UGT8: variants seen among roughly 807,000 people sequenced by gnomAD.
The protein encoded by UGT8 is 2-hydroxyacylsphingosine 1-beta-galactosyltransferase.
In UGT8, 12 loss-of-function variants were observed where a neutral mutation model predicts 40.5. The ratio of observed to expected loss-of-function variants is 0.30; its 90% CI spans 0.19 to 0.48. The LOEUF is 0.48. UGT8 is among the 20% of genes least tolerant of loss of function. UGT8 has a pLI of 0.99. For synonymous variants in UGT8, 224 were observed against 240.4 expected (o/e 0.93, Z 0.63); for missense variants, 513 against 648.7 (o/e 0.79, Z 2.27).
chr4:114,628,678 G>A (rs1370279141), intron 2 of UGT8, among the ~76,000 whole-genome samples: 1 of 150,376 alleles, frequency 6.6e-6, no homozygotes, highest in Non-Finnish European at 1.5e-5. Flanking sequence ...CACATTAGGA[G>A]TATTTATGGC....
intron 2 of UGT8, among the ~76,000 whole-genome samples, chr4:114,640,811 A>G (rs1172184996): frequency 2.0e-5 from 3 of 152,218 alleles, no homozygotes; most frequent in Non-Finnish European, 4.4e-5. Flanking sequence ...TCATGAGAAC[A>G]GCACGGGAAA....
intron 5 of UGT8, among the ~76,000 whole-genome samples, chr4:114,672,158 A>G (rs1735332322): frequency 6.6e-6 from 1 of 152,336 alleles, no homozygotes; most frequent in African/African-American, 2.4e-5. Flanking sequence ...ATTATTAAAA[A>G]GTCAGGAAAC....
At chr4:114,665,809 A>C (rs1201687677) in intron 4 of UGT8, 53 bp downstream of exon 4, 3 of 1,482,896 alleles carry the variant, frequency 2.0e-6, no homozygotes, top group Non-Finnish European at 2.8e-6. Context: ...TAATTACATA[A>C]ATGTGACTTT....
chr4:114,621,146 G>A (rs1359952536), intron 1 of UGT8, among the ~76,000 whole-genome samples: 2 of 152,082 alleles, frequency 1.3e-5, no homozygotes, highest in African/African-American at 4.8e-5. Context: ...ACACATATCT[G>A]TTAACATGAA....
In UGT8 at chr4:114,668,277, C is replaced by T; in HGVS notation, c.1235C>T (p.Ala412Val). ...GTTACTGAAAAAGAGCTCTATGAAG[C>T]ACTAGTGAAGGTTATCAATAATCCC... ...KTVTEKELYE[A>V]LVKVINNPSY... The change falls in exon 5 of 6, where the codon GCA (alanine) becomes GTA (valine). Residue 412 changes from alanine to valine, a missense_variant. Ala to Val is a moderately conservative substitution (Grantham distance 64). Coordinates refer to ENST00000310836, the MANE Select transcript of UGT8 (RefSeq NM_001128174.3). 1 of 1,613,616 alleles carries T rather than the reference C, an allele frequency of 6.2e-7. No individual in the cohort carries two copies. The highest frequency in any genetic ancestry group is 8.5e-7 in the Non-Finnish European group (1 of 1,179,708).
At chr4:114,623,745 A>T in intron 2 of UGT8, 43 bp downstream of exon 2, 3 of 1,539,030 alleles carry the variant, frequency 1.9e-6, no homozygotes, top group Non-Finnish European at 2.6e-6. Context: ...TTTAATGTAA[A>T]AGTCAATTTT....
At chr4:114,640,232 G>A (rs1011297057) in intron 2 of UGT8, among the ~76,000 whole-genome samples, 8 of 151,374 alleles carry the variant, frequency 5.3e-5, no homozygotes, top group African/African-American at 1.2e-4. Flanking sequence ...GGGTTTCACC[G>A]TGTTAGCCAG....
At chr4:114,612,897 T>A (rs1731176360) in intron 1 of UGT8, among the ~76,000 whole-genome samples, 2 of 152,338 alleles carry the variant, frequency 1.3e-5, no homozygotes, top group Middle Eastern at 3.4e-3. Context: ...AAATTCTTTT[T>A]CTTTTCATTT....
chr4:114,676,457 A>T lies in UGT8; in HGVS notation c.*169A>T, dbSNP rs1448529574. 1 of 588,572 alleles carries T rather than the reference A, an allele frequency of 1.7e-6. No individual in the cohort carries two copies. Among genetic ancestry groups the T allele is most frequent in the East Asian group, 2.9e-5 (1 of 34,170 alleles). 36.5% of individuals were successfully genotyped at this position (588,572 alleles called of 1,614,324 possible). A position where few individuals can be genotyped will look rare whatever the true frequency, so the allele number is the denominator to read the frequency against. Reference sequence around the variant, plus strand: ...ATTAAGATGGCTGTAAAAAGCACAAACCTAAAATGCAGAAATGTATTTTAT... The same window carrying T: ...ATTAAGATGGCTGTAAAAAGCACAATCCTAAAATGCAGAAATGTATTTTAT... On this transcript the variant is annotated 3_prime_UTR_variant, in exon 6 of 6. Transcript: ENST00000310836.
At chr4:114,665,189 A>T (rs908826699) in intron 3 of UGT8, among the ~76,000 whole-genome samples, 8 of 152,220 alleles carry the variant, frequency 5.3e-5, no homozygotes, top group African/African-American at 1.9e-4. Flanking sequence ...TTCACCCCAC[A>T]AAACTTTTAT....
intron 1 of UGT8, among the ~76,000 whole-genome samples, chr4:114,610,364 A>G (rs1180213863): frequency 6.6e-6 from 1 of 152,206 alleles, no homozygotes; most frequent in Non-Finnish European, 1.5e-5. Context: ...AAATTTTGAT[A>G]TCATTTTGGT....
intron 2 of UGT8, among the ~76,000 whole-genome samples, chr4:114,631,377 C>G (rs1419146327): frequency 6.6e-6 from 1 of 152,152 alleles, no homozygotes; most frequent in Non-Finnish European, 1.5e-5. Flanking sequence ...GTGCCAGCTA[C>G]TCGGGAGGCT....
At position 114,677,349 on chromosome 4, in the gene UGT8, T is replaced by C. The variant is rs769088264; in HGVS notation, c.*1061T>C. The C allele has an allele frequency of 3.9e-5, 6 of 152,240 alleles. No individual in the cohort carries two copies. Among genetic ancestry groups the C allele is most frequent in the African/African-American group, 7.2e-5 (3 of 41,464 alleles). The allele number at this position is 152,240 out of a possible 1,614,324, so 9.4% of individuals were successfully genotyped here. The stretch of plus-strand genomic sequence containing the variant: ...TCTATATTACATAGGTGCCAACATT[T>C]AATTCTTTTAAATGGAACATTTGCA... On this transcript the variant is annotated 3_prime_UTR_variant, in exon 6 of 6. Transcript: ENST00000310836.
chr4:114,654,840 G>A (rs1734080154), intron 2 of UGT8, among the ~76,000 whole-genome samples: 1 of 152,076 alleles, frequency 6.6e-6, no homozygotes, highest in Admixed American at 6.6e-5. Context: ...AGTTTATACA[G>A]TGTGGACGTA....
Position 114,676,276 on chromosome 4 carries a change from G to T in UGT8, c.1614G>T (p.Lys538Asn), listed in dbSNP as rs1735642879. ...GAAATGGCCATATTAAACATGAAAA[G>T]AAAGTGAAATGAGCCAACAGCCCAG... ...YKRNGHIKHEKKVK is the reference protein window; with the variant it reads ...YKRNGHIKHENKVK The change falls in exon 6 of 6, where the codon AAG (lysine) becomes AAT (asparagine). Residue 538 changes from lysine (K) to asparagine (N), a missense_variant. Lys to Asn is a moderately conservative substitution (Grantham distance 94). Around this residue, in one of 3 missense-constraint regions of UGT8, gnomAD observed 175 missense variants for 186.7 expected, o/e 0.94. Transcript: ENST00000310836. The T allele has an allele frequency of 1.3e-6, 2 of 1,584,000 alleles. No homozygotes were observed. Among genetic ancestry groups the T allele is most frequent in the South Asian group, 1.2e-5 (1 of 85,766 alleles).
chr4:114,649,945 A>G (rs1210216035), intron 2 of UGT8, among the ~76,000 whole-genome samples: 2 of 152,214 alleles, frequency 1.3e-5, no homozygotes, highest in Non-Finnish European at 2.9e-5. Flanking sequence ...ATTTAAATTC[A>G]ATAAACACTG....
chr4:114,630,645 T>G (rs1732511471), intron 2 of UGT8, among the ~76,000 whole-genome samples: 1 of 152,116 alleles, frequency 6.6e-6, no homozygotes, highest in Non-Finnish European at 1.5e-5. Flanking sequence ...GGGGATTTTT[T>G]TTTTTTCTTT....
chr4:114,634,839 G>A (rs1174484293), intron 2 of UGT8, among the ~76,000 whole-genome samples: 2 of 152,104 alleles, frequency 1.3e-5, no homozygotes, highest in African/African-American at 4.8e-5. Context: ...TTCCACTTCA[G>A]TGATGGTGTG....
chr4:114,664,773 C>T (rs536580339), intron 3 of UGT8, among the ~76,000 whole-genome samples: 3 of 152,252 alleles, frequency 2.0e-5, no homozygotes, highest in Non-Finnish European at 2.9e-5. Flanking sequence ...CTTTATTTAG[C>T]GTGTATTTAT....
Sources: allele counts gnomAD v4.1 joint callset (sites outside exome capture counted in the v4.1 genomes callset), GRCh38; gene constraint gnomAD v4.1.1; regional missense constraint gnomAD v4.1.1; transcripts MANE v1.5; gene names NCBI Gene and HGNC (gene_info 2026-07-23, HGNC 2026-07-21).